ACAD10: variants seen among roughly 807,000 people sequenced by gnomAD.
ACAD10 encodes acyl-CoA dehydrogenase family member 10.
Under a neutral mutation model 116.8 loss-of-function variants are expected in ACAD10, and 112 were observed. The ratio of observed to expected loss-of-function variants is 0.96; its 90% CI spans 0.82 to 1.12. The LOEUF (loss-of-function observed/expected upper bound fraction) is 1.12, where lower values mean the gene tolerates loss of function less well. Ranked by LOEUF, ACAD10 falls within the 50% of genes most tolerant of loss-of-function variation. The probability of loss-of-function intolerance (pLI) is 0.00; values close to 1 mark genes in which losing one functional copy is unlikely to be tolerated. For missense variants in ACAD10, 1,259 were observed against 1,350.2 expected (o/e 0.93, Z 1.06); for synonymous variants, 486 against 510.6 (o/e 0.95, Z 0.65).
chr12:111,753,417 G>A (rs374409753), intron 18 of ACAD10: 4 of 458,298 alleles, frequency 8.7e-6, no homozygotes, highest in South Asian at 3.5e-5. Context: ...ATTCCCAGGA[G>A]TAGCCTTGGG....
intron 8 of ACAD10, among the ~76,000 whole-genome samples, chr12:111,723,014 G>C (rs1593034805): frequency 1.4e-5 from 2 of 147,270 alleles, no homozygotes; most frequent in Admixed American, 1.3e-4. Flanking sequence ...CGGGCGGGGG[G>C]CTGACCCCCC....
At chr12:111,751,267 A>G (rs1593056934) in intron 18 of ACAD10, among the ~76,000 whole-genome samples, 1 of 152,332 alleles carries the variant, frequency 6.6e-6, no homozygotes, top group South Asian at 2.1e-4. Context: ...ATGCTGTGGA[A>G]ATCTATTCCT....
chr12:111,740,782 CAAAAAAAA>C (rs751899672), intron 12 of ACAD10, among the ~76,000 whole-genome samples: 2 of 51,076 alleles, frequency 3.9e-5, no homozygotes, highest in Non-Finnish European at 8.8e-5. Context: ...GACTCCATCT[CAAAAAAAA>C]AAAAAAAAAA....
intron 12 of ACAD10, among the ~76,000 whole-genome samples, chr12:111,741,517 G>A (rs111461292): frequency 6.6e-6 from 1 of 152,066 alleles, no homozygotes; most frequent in East Asian, 1.9e-4. Flanking sequence ...GGTTTCTCTC[G>A]GCCCAGAGCT....
chr12:111,745,146 G>T, intron 13 of ACAD10, 103 bp downstream of exon 13: 1 of 1,271,076 alleles, frequency 7.9e-7, no homozygotes, highest in Non-Finnish European at 1.1e-6. Context: ...AGATACAGGA[G>T]CTCCGAGTTG....
chr12:111,707,283 A>G (rs1317933693), intron 4 of ACAD10, among the ~76,000 whole-genome samples: 1 of 149,762 alleles, frequency 6.7e-6, no homozygotes, highest in Non-Finnish European at 1.5e-5. Flanking sequence ...AATATTAGAG[A>G]CTGGGTTTCA....
At position 111,702,234 on chromosome 12, in the gene ACAD10, C is replaced by T. The variant is rs758947928; in HGVS notation, c.260C>T (p.Pro87Leu). ...TTGATGGAAGGTGGTGAAAATGGGC[C>T]CTGGATGAGATTTATGAGAGCAGAA... The part of the protein sequence containing the change: ...KALMEGGENG[P>L]WMRFMRAEIT... The change falls in exon 3 of 21, where the codon CCC (proline) becomes CTC (leucine). Residue 87 changes from proline (P) to leucine (L), a missense_variant. By Grantham distance (98) the Pro-to-Leu change is moderately conservative (BLOSUM62 -3). Coordinates refer to ENST00000313698, the MANE Select transcript of ACAD10 (RefSeq NM_025247.6). The T allele has an allele frequency of 6.2e-7, 1 of 1,613,954 alleles. No homozygotes were observed. Among genetic ancestry groups the T allele is most frequent in the South Asian group, 1.1e-5 (1 of 91,078 alleles).
intron 1 of ACAD10, chr12:111,690,554 G>A (rs1402852052): frequency 6.6e-6 from 1 of 151,996 alleles, no homozygotes; most frequent in Non-Finnish European, 1.5e-5. Flanking sequence ...GGAGGCTGAG[G>A]TAGGTGAATC....
intron 5 of ACAD10, chr12:111,710,315 T>C: frequency 2.2e-6 from 1 of 454,158 alleles, no homozygotes; most frequent in Non-Finnish European, 4.4e-6. Context: ...GTCGAACTCC[T>C]GGGCTCAAGC....
At chr12:111,735,927 T>TGGAC (rs1265755227) in intron 11 of ACAD10, among the ~76,000 whole-genome samples, 1 of 152,156 alleles carries the variant, frequency 6.6e-6, no homozygotes, top group East Asian at 1.9e-4. Flanking sequence ...TCGCCCAGGC[T>TGGAC]GGACCACAGT....
chr12:111,752,352 C>G lies in ACAD10; in HGVS notation c.2818-1420C>G, dbSNP rs138661060. ...GGTGCTGTGGTTCATGCCTGTAATC[C>G]CAGCACTTTGAGAGGCCAAGGCAGG... On this transcript the variant is annotated intron_variant, in intron 18 of 20. Coordinates refer to ENST00000313698, the MANE Select transcript of ACAD10 (RefSeq NM_025247.6). Among the ~76,000 whole-genome samples, 265 of 151,924 alleles carry G rather than the reference C, an allele frequency of 1.7e-3. 1 individual carries two copies. Among genetic ancestry groups the G allele is most frequent in the African/African-American group, 6.1e-3 (253 of 41,414 alleles).
At chr12:111,726,987 A>G (rs1889232094) in intron 8 of ACAD10, among the ~76,000 whole-genome samples, 1 of 152,322 alleles carries the variant, frequency 6.6e-6, no homozygotes, top group South Asian at 2.1e-4. Flanking sequence ...ACACTTTGGG[A>G]GGCTGAGGCA....
chr12:111,756,696 G>A lies in ACAD10; in HGVS notation c.*223G>A. 1 of 766,426 alleles carries A rather than the reference G, an allele frequency of 1.3e-6. No individual in the cohort carries two copies. Among genetic ancestry groups the A allele is most frequent in the Non-Finnish European group, 2.2e-6 (1 of 451,472 alleles). The allele number at this position is 766,426 out of a possible 1,614,324, so 47.5% of individuals were successfully genotyped here. ...GGCCAGGAGGAGGGGATTTGCTGAG[G>A]GCCAAGGGGGTTCTGGGACAGAGTC... On this transcript the variant is annotated 3_prime_UTR_variant, in exon 21 of 21. Transcript: ENST00000313698.
In ACAD10 at chr12:111,747,116, A is replaced by G; in HGVS notation, c.2324A>G (p.Gln775Arg). ...CTGGTGAGGTATGGCACCGAAGCGC[A>G]GAAGGCTCGCTGGCTGATTCCTCTG... ...ELLVRYGTEA[Q>R]KARWLIPLLE... Residue 775 changes from glutamine (Q) to arginine (R), a missense_variant, in exon 15 of 21, where the codon CAG becomes CGG. Physicochemically the swap from Gln to Arg is conservative, Grantham distance 43 (BLOSUM62 1). Transcript: ENST00000313698. 1 of 1,613,478 alleles carries G rather than the reference A, an allele frequency of 6.2e-7. No homozygotes were observed. Among genetic ancestry groups the G allele is most frequent in the Non-Finnish European group, 8.5e-7 (1 of 1,179,536 alleles).
At chr12:111,736,127 C>T (rs1176216959) in intron 11 of ACAD10, among the ~76,000 whole-genome samples, 1 of 151,344 alleles carries the variant, frequency 6.6e-6, no homozygotes, top group Non-Finnish European at 1.5e-5. Context: ...ATGATCTGCC[C>T]TCCTCGGCCT....
intron 3 of ACAD10, among the ~76,000 whole-genome samples, 154 bp from the exon 4 acceptor site, chr12:111,705,584 G>A (rs1888477261): frequency 6.6e-6 from 1 of 152,192 alleles, no homozygotes; most frequent in African/African-American, 2.4e-5. Flanking sequence ...CAGGGGCTGA[G>A]GAACACAGTT....
chr12:111,747,406 T>C, intron 16 of ACAD10, 21 bp downstream of exon 16: 2 of 1,613,462 alleles, frequency 1.2e-6, no homozygotes, highest in Non-Finnish European at 1.7e-6. Flanking sequence ...TAAAATGCAC[T>C]TTCCAAATGC....
rs566109462 is a variant in ACAD10 at position 111,712,508 on chromosome 12, C to T, written c.701C>T (p.Pro234Leu). The T allele has an allele frequency of 9.3e-6, 15 of 1,613,536 alleles. No homozygotes were observed. The South Asian group carries it at 1.4e-4, about 15-fold the overall frequency. ...LGIHTIKVND[P>L]ETAVKELEAL... The stretch of plus-strand genomic sequence containing the variant: ...TCTCTCTGAAACCAGGTTAATGACC[C>T]AGAGACTGCAGTAAAGGAATTAGAA... Residue 234 changes from proline (P) to leucine (L), a missense_variant, in exon 6 of 21, where the codon CCA becomes CTA. By Grantham distance (98) the Pro-to-Leu change is moderately conservative. Transcript: ENST00000313698.
At chr12:111,718,529 G>C (rs942853865) in intron 7 of ACAD10, among the ~76,000 whole-genome samples, 3 of 152,070 alleles carry the variant, frequency 2.0e-5, no homozygotes, top group Non-Finnish European at 2.9e-5. Flanking sequence ...ACCCAGGCTG[G>C]AGTGCAGTGG....
Sources: allele counts gnomAD v4.1 joint callset (sites outside exome capture counted in the v4.1 genomes callset), GRCh38; gene constraint gnomAD v4.1.1; transcripts MANE v1.5; gene names NCBI Gene and HGNC (gene_info 2026-07-23, HGNC 2026-07-21).